Variants in NCKAP5 observed in about 807,000 individuals in gnomAD.
The protein encoded by NCKAP5 is NCK associated protein 5, also known as nck-associated protein 5.
NCKAP5 carries 92 observed loss-of-function variants against 167.0 expected under a neutral mutation model. That is an observed-to-expected ratio of 0.55 (90% CI 0.47 to 0.66). The LOEUF (loss-of-function observed/expected upper bound fraction) is 0.66. Ranked by LOEUF, NCKAP5 falls within the 30% of genes least tolerant of loss-of-function variation. The pLI, the probability that NCKAP5 is intolerant of heterozygous loss-of-function variation, is 0.00. For missense variants in NCKAP5, 2,378 were observed against 2,315.0 expected (o/e 1.03, Z -0.56); for synonymous variants, 891 against 877.4 (o/e 1.02, Z -0.27).
intron 5 of NCKAP5, among the ~76,000 whole-genome samples, chr2:133,165,998 G>A (rs1036399215): frequency 6.6e-6 from 1 of 152,072 alleles, no homozygotes; most frequent in African/African-American, 2.4e-5. Context: ...CCAACAGTGG[G>A]GATGAAAAGT....
chr2:133,183,683 G>C (rs2084828005), intron 5 of NCKAP5, among the ~76,000 whole-genome samples: 1 of 152,122 alleles, frequency 6.6e-6, no homozygotes, highest in African/African-American at 2.4e-5. Flanking sequence ...AGGTTAGACT[G>C]TCCACTTTCA....
intron 6 of NCKAP5, among the ~76,000 whole-genome samples, chr2:133,109,023 C>T (rs2081816699): frequency 6.6e-6 from 1 of 152,172 alleles, no homozygotes; most frequent in South Asian, 2.1e-4. Context: ...CTTTCTCCTT[C>T]TTCCACATCT....
Position 133,124,938 on chromosome 2 carries a change from T to G in NCKAP5, c.341+5040A>C, listed in dbSNP as rs1257214318. ...ACACGCACCTATAGTCCCAGCTACT[T>G]GGGAGGCTGAGGTGTGAGGATGGTT... On this transcript the variant is annotated intron_variant, in intron 6 of 19. Transcript: ENST00000409261. Among the ~76,000 whole-genome samples, 2 of 152,076 alleles carry G rather than the reference T, an allele frequency of 1.3e-5. 1 individual carries two copies. Among genetic ancestry groups the G allele is most frequent in the Non-Finnish European group, 2.9e-5 (2 of 68,004 alleles).
intron 8 of NCKAP5, among the ~76,000 whole-genome samples, chr2:132,959,621 A>C (rs1054991313): frequency 3.9e-5 from 6 of 152,172 alleles, no homozygotes; most frequent in African/African-American, 1.4e-4. Context: ...GCCATGAGCA[A>C]ATCTGGGGCC....
In NCKAP5 at chr2:133,567,148, C is replaced by T. The variant is rs569953262; in HGVS notation, c.-130+1068G>A. Among the ~76,000 whole-genome samples the T allele has an allele frequency of 3.3e-5, 5 of 152,328 alleles. No individual in the cohort carries two copies. The South Asian group carries it at 6.2e-4, about 19-fold the overall frequency. On this transcript the variant is annotated intron_variant, in intron 1 of 19. Coordinates refer to ENST00000409261, the MANE Select transcript of NCKAP5 (RefSeq NM_207363.3). ...GGCTAACAGCCACTTCTTGCCAATC[C>T]GTGCAGCGGGCTGGGCTGTCAGGTC...
At chr2:133,570,449 T>G (rs1471621648), upstream of NCKAP5, among the ~76,000 whole-genome samples, 1 of 152,148 alleles carries the variant, frequency 6.6e-6, no homozygotes, top group African/African-American at 2.4e-5. Context: ...TTGATGAAGT[T>G]TCTCCCAGGA....
intron 6 of NCKAP5, among the ~76,000 whole-genome samples, chr2:133,024,989 C>T (rs112188011): frequency 1.3e-5 from 2 of 152,242 alleles, no homozygotes; most frequent in East Asian, 1.9e-4. Context: ...ATAACCAAGT[C>T]GTATAGTTGT....
At chr2:133,013,602 C>T (rs1266275682) in intron 6 of NCKAP5, among the ~76,000 whole-genome samples, 2 of 152,224 alleles carry the variant, frequency 1.3e-5, no homozygotes, top group East Asian at 1.9e-4. Flanking sequence ...GGGTTCCTCC[C>T]ATGACACATG....
intron 8 of NCKAP5, among the ~76,000 whole-genome samples, chr2:132,940,143 T>C (rs1375250505): frequency 6.6e-6 from 1 of 152,240 alleles, no homozygotes; most frequent in Non-Finnish European, 1.5e-5. Flanking sequence ...ATATGATATT[T>C]GGTTTTCTAT....
chr2:133,276,658 G>A (rs927292685), intron 4 of NCKAP5, among the ~76,000 whole-genome samples: 6 of 151,812 alleles, frequency 4.0e-5, no homozygotes, highest in Admixed American at 6.6e-5. Flanking sequence ...TTCAGGACAT[G>A]GAAAATGAAG....
the NCKAP5 span, among the ~76,000 whole-genome samples, chr2:133,627,012 A>C: frequency 6.6e-6 from 1 of 152,082 alleles, no homozygotes; most frequent in Non-Finnish European, 1.5e-5. Context: ...TACATAGATA[A>C]ATAATTATTA....
intron 6 of NCKAP5, among the ~76,000 whole-genome samples, chr2:133,041,254 A>G (rs77449708): frequency 0.03 from 4,511 of 152,168 alleles, 202 homozygotes; most frequent in African/African-American, 0.1. Context: ...AGTGCTGAGG[A>G]CTCAGTATAG....
the NCKAP5 span, among the ~76,000 whole-genome samples, chr2:133,661,063 C>G: frequency 6.6e-6 from 1 of 151,812 alleles, no homozygotes; most frequent in Non-Finnish European, 1.5e-5. Flanking sequence ...CACTCATGAC[C>G]AGCAGTGTTT....
At chr2:132,980,411 GT>G (rs1239024358) in intron 7 of NCKAP5, among the ~76,000 whole-genome samples, 1 of 152,218 alleles carries the variant, frequency 6.6e-6, no homozygotes, top group South Asian at 2.1e-4. Flanking sequence ...GCACATTAGT[GT>G]TTTTTTGTTT....
intron 3 of NCKAP5, among the ~76,000 whole-genome samples, chr2:133,408,369 C>T (rs758044898): frequency 1.3e-4 from 20 of 152,076 alleles, no homozygotes; most frequent in Non-Finnish European, 2.1e-4. Flanking sequence ...CAACTCTCTC[C>T]GAATGTTGTT....
At chr2:132,912,735 C>T (rs1653845567) in intron 8 of NCKAP5, among the ~76,000 whole-genome samples, 1 of 152,200 alleles carries the variant, frequency 6.6e-6, no homozygotes. Flanking sequence ...AGATGCTCTG[C>T]TTTCAGCAGC....
the NCKAP5 span, among the ~76,000 whole-genome samples, chr2:133,653,822 C>A: frequency 6.6e-6 from 1 of 151,966 alleles, no homozygotes. Flanking sequence ...TTTTTGTCTA[C>A]GGAGAAAAAC....
At chr2:133,384,227 T>G (rs1183237462) in intron 3 of NCKAP5, among the ~76,000 whole-genome samples, 2 of 152,236 alleles carry the variant, frequency 1.3e-5, no homozygotes, top group African/African-American at 2.4e-5. Context: ...TTTAATTAAT[T>G]TTTGTATAAA....
chr2:132,874,622 G>C (rs148507377), intron 9 of NCKAP5, among the ~76,000 whole-genome samples: 1 of 152,050 alleles, frequency 6.6e-6, no homozygotes, highest in African/African-American at 2.4e-5. Flanking sequence ...ATGTCCTTGC[G>C]CTCTGAAGTG....
Sources: gnomAD v4.1 joint callset for allele counts (sites outside exome capture counted in the v4.1 genomes callset) on GRCh38, gnomAD v4.1.1 for gene constraint, MANE v1.5 for transcripts, NCBI Gene and HGNC (gene_info 2026-07-23, HGNC 2026-07-21) for gene names.